Variants in ADARB2 observed in about 807,000 individuals in gnomAD.
The protein encoded by ADARB2 is inactive double-stranded RNA-specific editase B2.
In ADARB2, 25 loss-of-function variants were observed where a neutral mutation model predicts 62.2. The observed-to-expected ratio is 0.40, with a 90% CI of 0.29 to 0.56. The LOEUF is 0.56. ADARB2 is among the 20% of genes least tolerant of loss of function. The probability of loss-of-function intolerance (pLI) is 0.43; values close to 1 mark genes in which losing one functional copy is unlikely to be tolerated. For synonymous variants in ADARB2, 572 were observed against 500.8 expected, an observed-to-expected ratio of 1.14 and a Z score of -1.90; for missense variants, 1,071 against 1,077.4, an observed-to-expected ratio of 0.99 and a Z score of 0.08.
chr10:1,470,191 T>A (rs747437187), intron 1 of ADARB2, among the ~76,000 whole-genome samples: 3 of 151,922 alleles, frequency 2.0e-5, no homozygotes, highest in Admixed American at 6.6e-5. Context: ...CCTAGCCACT[T>A]ACACACCCAT....
At chr10:1,373,798 CTTT>C in intron 2 of ADARB2, among the ~76,000 whole-genome samples, 1 of 85,720 alleles carries the variant, frequency 1.2e-5, no homozygotes, top group Admixed American at 1.1e-4. Context: ...CTCCGCGCAC[CTTT>C]CCTAGTGAGA....
intron 1 of ADARB2, among the ~76,000 whole-genome samples, chr10:1,543,807 T>G (rs546197271): frequency 6.6e-6 from 1 of 152,204 alleles, no homozygotes; most frequent in African/African-American, 2.4e-5. Flanking sequence ...CGCTTATTAG[T>G]GCAACAGCAA....
chr10:1,526,513 C>T (rs187436427), intron 1 of ADARB2: 2 of 167,548 alleles, frequency 1.2e-5, no homozygotes, highest in African/African-American at 4.8e-5. Context: ...AGTTCTTGCT[C>T]TGTGTGTTGC....
intron 4 of ADARB2, among the ~76,000 whole-genome samples, chr10:1,264,995 A>G (rs1005371806): frequency 2.0e-5 from 3 of 152,204 alleles, no homozygotes; most frequent in African/African-American, 7.2e-5. Flanking sequence ...CCTTTTTTCT[A>G]GTTATTAATA....
chr10:1,664,404 C>T (rs560665850), intron 1 of ADARB2, among the ~76,000 whole-genome samples: 1 of 152,324 alleles, frequency 6.6e-6, no homozygotes, highest in South Asian at 2.1e-4. Context: ...AGTGGCTGCA[C>T]CATCCTGCAC....
intron 1 of ADARB2, among the ~76,000 whole-genome samples, chr10:1,572,977 G>A (rs1480744269): frequency 1.3e-5 from 2 of 152,246 alleles, no homozygotes; most frequent in Non-Finnish European, 2.9e-5. Flanking sequence ...CACTGCCCCC[G>A]AGTGCTCATT....
rs550883221 is a variant in ADARB2 at position 1,495,589 on chromosome 10, G to A, written c.101-116429C>T. On this transcript the variant is annotated intron_variant, in intron 1 of 9. Coordinates refer to ENST00000381312, the MANE Select transcript of ADARB2 (RefSeq NM_018702.4). ...TTTGGAGCTGCCTCCAGTCTTTAAG[G>A]TGGTAAGCTTTAGAGGAGCCTTAGA... 6.9e-5 allele frequency among the ~76,000 whole-genome samples: 9 copies of A among 130,862 alleles called. No individual in the cohort carries two copies. In the South Asian group the frequency reaches 9.4e-4, roughly 14 times the overall value. 85.9% of individuals were successfully genotyped at this position (130,862 alleles called of 152,430 possible).
chr10:1,523,382 G>T lies in ADARB2; in HGVS notation c.101-144222C>A, dbSNP rs2813450. ...CAGATCAGGAAGTTGGAGGTGGCTC[G>T]GTTACAGGGTTAAGTTACATGCACG... On this transcript the variant is annotated intron_variant, in intron 1 of 9. Coordinates refer to ENST00000381312, the MANE Select transcript of ADARB2 (RefSeq NM_018702.4). 7.0e-3 allele frequency among the ~76,000 whole-genome samples: 1,065 copies of T among 152,226 alleles called. 15 individuals carry two copies. Among genetic ancestry groups the T allele is most frequent in the African/African-American group, 0.024 (1,017 of 41,530 alleles).
intron 1 of ADARB2, among the ~76,000 whole-genome samples, chr10:1,463,623 T>A (rs1334758532): frequency 1.3e-5 from 2 of 152,202 alleles, no homozygotes; most frequent in Non-Finnish European, 2.9e-5. Context: ...CCAGACATGA[T>A]TCTGTCTCAA....
Position 1,672,943 on chromosome 10 carries a change from G to C in ADARB2, c.100+64108C>G, listed in dbSNP as rs146766047. ...GGAGGGAAACACACTTTTAACCTAC[G>C]GGTTTCATCCAGGGCTTCTCAAATG... On this transcript the variant is annotated intron_variant, in intron 1 of 9. Coordinates refer to ENST00000381312, the MANE Select transcript of ADARB2 (RefSeq NM_018702.4). 3.3e-5 allele frequency among the ~76,000 whole-genome samples: 5 copies of C among 152,260 alleles called. No homozygotes were observed. The East Asian group carries it at 9.6e-4, about 29-fold the overall frequency.
At chr10:1,733,405 T>G (rs1416911406) in intron 1 of ADARB2, among the ~76,000 whole-genome samples, 1 of 113,078 alleles carries the variant, frequency 8.8e-6, no homozygotes, top group African/African-American at 3.0e-5. Flanking sequence ...ATGCATAGCT[T>G]CTTTTAGAAA....
At chr10:1,362,924 T>C in intron 3 of ADARB2, 104 bp downstream of exon 3, 2 of 1,113,528 alleles carry the variant, frequency 1.8e-6, no homozygotes, top group Non-Finnish European at 2.3e-6. Context: ...ACGCGGCCTC[T>C]CCTTCTCCGA....
intron 1 of ADARB2, among the ~76,000 whole-genome samples, chr10:1,733,921 T>C (rs1470664267): frequency 6.6e-6 from 1 of 151,954 alleles, no homozygotes; most frequent in Non-Finnish European, 1.5e-5. Context: ...CGGGACACAC[T>C]GACGTGTCTG....
At chr10:1,616,456 T>G (rs1162199075) in intron 1 of ADARB2, among the ~76,000 whole-genome samples, 1 of 151,454 alleles carries the variant, frequency 6.6e-6, no homozygotes, top group Non-Finnish European at 1.5e-5. Flanking sequence ...GATGTTTGTG[T>G]GCCCGTCCAG....
intron 1 of ADARB2, among the ~76,000 whole-genome samples, chr10:1,510,112 CTTTCTT>C (rs1302934982): frequency 3.0e-4 from 22 of 72,646 alleles, no homozygotes; most frequent in Admixed American, 1.9e-3. Context: ...TTCTTTCTCT[CTTTCTT>C]TCTTTCTTTC....
chr10:1,715,009 C>T, intron 1 of ADARB2, among the ~76,000 whole-genome samples: 1 of 138,076 alleles, frequency 7.2e-6, no homozygotes, highest in Non-Finnish European at 1.6e-5. Context: ...CCCCTCCCCC[C>T]ACCCCACAAC....
In ADARB2 at chr10:1,639,986, A is replaced by C. The variant is rs150879299; in HGVS notation, c.100+97065T>G. 5.0e-3 allele frequency among the ~76,000 whole-genome samples: 768 copies of C among 152,252 alleles called. 8 individuals are homozygous for C. The highest frequency in any genetic ancestry group is 0.017 in the African/African-American group (704 of 41,558). ...TCTTTGTGGAACCACTCAGAAAAAA[A>C]CTTCAGGCCTTAATGGGGTGTTGGC... On this transcript the variant is annotated intron_variant, in intron 1 of 9. Coordinates refer to ENST00000381312, the MANE Select transcript of ADARB2 (RefSeq NM_018702.4).
At chr10:1,476,764 C>T (rs1002318285) in intron 1 of ADARB2, among the ~76,000 whole-genome samples, 41 of 152,266 alleles carry the variant, frequency 2.7e-4, no homozygotes, top group African/African-American at 9.9e-4. Flanking sequence ...GAGGCAGAGG[C>T]GTCCCCGTGC....
chr10:1,232,748 ATGTGGTATGTG>A (rs1830820818), intron 6 of ADARB2, among the ~76,000 whole-genome samples: 3 of 143,584 alleles, frequency 2.1e-5, no homozygotes, highest in African/African-American at 8.0e-5. Context: ...TGAGTAGTGT[ATGTGGTATGTG>A]GTGTGTGTGG....
Sources: gnomAD v4.1 joint callset for allele counts (sites outside exome capture counted in the v4.1 genomes callset) on GRCh38, gnomAD v4.1.1 for gene constraint, MANE v1.5 for transcripts, NCBI Gene and HGNC (gene_info 2026-07-23, HGNC 2026-07-21) for gene names.